DLG5: variants seen among roughly 807,000 people sequenced by gnomAD.
DLG5 encodes discs large MAGUK scaffold protein 5, also known as disks large homolog 5.
DLG5 carries 48 observed loss-of-function variants against 189.8 expected under a neutral mutation model. The observed-to-expected ratio is 0.25, with a 90% confidence interval of 0.20 to 0.32. The LOEUF (loss-of-function observed/expected upper bound fraction) is 0.32, where lower values mean the gene tolerates loss of function less well. Among genes scored for constraint, DLG5 ranks in the 10% least tolerant of loss-of-function variants. The pLI, the probability that DLG5 is intolerant of heterozygous loss-of-function variation, is 1.00. For synonymous variants in DLG5, 1,016 were observed against 1,054.1 expected (o/e 0.96, Z 0.70); for missense variants, 2,160 against 2,544.7 (o/e 0.85, Z 3.25).
chr10:77,808,065 G>T lies in DLG5; in HGVS notation c.4648-121C>A, dbSNP rs1469521142. ...AACATCCCTCCTTAACTGAGACTCT[G>T]GCTACCTCCCCTCTGCAGGAAGGAC... On this transcript the variant is annotated intron_variant, in intron 24 of 31. Transcript: ENST00000372391. 8 of 1,205,734 alleles carry T rather than the reference G, an allele frequency of 6.6e-6. No homozygotes were observed. In the East Asian group the frequency reaches 1.8e-4, roughly 27 times the overall value. The allele number at this position is 1,205,734 out of a possible 1,614,324, so 74.7% of individuals were successfully genotyped here.
intron 30 of DLG5, 59 bp downstream of exon 30, chr10:77,794,790 G>C: frequency 1.4e-6 from 2 of 1,409,414 alleles, no homozygotes; most frequent in Non-Finnish European, 2.0e-6. Flanking sequence ...CTCCCTACTT[G>C]GGCTCCCAGC....
intron 1 of DLG5, among the ~76,000 whole-genome samples, chr10:77,911,967 G>A (rs759507686): frequency 6.6e-5 from 10 of 151,276 alleles, no homozygotes; most frequent in Non-Finnish European, 1.2e-4. Context: ...GGGAGGCTGA[G>A]GAGGGAGGAT....
At chr10:77,814,966 G>A (rs1841979560) in intron 20 of DLG5, among the ~76,000 whole-genome samples, 2 of 152,168 alleles carry the variant, frequency 1.3e-5, no homozygotes, top group Non-Finnish European at 2.9e-5. Flanking sequence ...CTGTTGCTCA[G>A]TCAGGTCACA....
intron 25 of DLG5, 136 bp downstream of exon 25, chr10:77,807,660 T>A (rs1424945521): frequency 4.8e-6 from 5 of 1,031,770 alleles, no homozygotes; most frequent in Non-Finnish European, 7.1e-6. Context: ...GCGTGCAGAT[T>A]GAGTGTCAAG....
At chr10:77,806,719 C>CGG in intron 26 of DLG5, 39 bp downstream of exon 26, 9 of 1,137,748 alleles carry the variant, frequency 7.9e-6, no homozygotes, top group South Asian at 1.2e-5. Flanking sequence ...CCCTCGGCGA[C>CGG]CCCTGCCCCA....
intron 15 of DLG5, 44 bp downstream of exon 15, chr10:77,821,038 C>G (rs1842319919): frequency 2.6e-6 from 4 of 1,549,798 alleles, no homozygotes; most frequent in East Asian, 4.5e-5. Context: ...GCCAACTGCC[C>G]CTCTCTAGGC....
chr10:77,934,842 C>CTT, the DLG5 span, among the ~76,000 whole-genome samples: 2 of 145,030 alleles, frequency 1.4e-5, no homozygotes, highest in African/African-American at 5.4e-5. Flanking sequence ...GGGTGCTGTT[C>CTT]TTTTTTTTTG....
Position 77,812,237 on chromosome 10 carries a change from T to G in DLG5, c.4166A>C (p.Glu1389Ala). ...CACCTCCAGTAACTGATCCCCATAC[T>G]CGAGGCCAGCCTGGTGAGCGATGCT... is the stretch of plus-strand genomic sequence containing the variant. ...VGSIAHQAGL[E>A]YGDQLLEFNG... The change falls in exon 21 of 32, where the codon GAG becomes GCG. Residue 1389 changes from glutamate (E) to alanine (A), a missense_variant. Around this residue, in one of 5 missense-constraint regions of DLG5, gnomAD observed 61 missense variants for 101.0 expected, o/e 0.60. Transcript: ENST00000372391. 2 of 1,613,856 alleles carry G rather than the reference T, an allele frequency of 1.2e-6. No homozygotes were observed. The highest frequency in any genetic ancestry group is 1.7e-6 in the Non-Finnish European group (2 of 1,179,810).
At chr10:77,840,650 T>C (rs955168452) in intron 7 of DLG5, among the ~76,000 whole-genome samples, 4 of 151,638 alleles carry the variant, frequency 2.6e-5, no homozygotes, top group Admixed American at 2.6e-4. Context: ...ACCCAGGAGG[T>C]AGAGGTTGCA....
chr10:77,794,779 G>C (rs777272088), intron 30 of DLG5, 70 bp downstream of exon 30: 33 of 1,242,386 alleles, frequency 2.7e-5, no homozygotes, highest in Non-Finnish European at 3.7e-5. Flanking sequence ...AACACACCCT[G>C]CTCCCTACTT....
At chr10:77,900,494 C>T (rs1845892004) in intron 1 of DLG5, among the ~76,000 whole-genome samples, 1 of 152,200 alleles carries the variant, frequency 6.6e-6, no homozygotes, top group Non-Finnish European at 1.5e-5. Context: ...GGCCCCCTTC[C>T]ATAAGAGAAA....
chr10:77,815,703 G>A (rs1445202479), intron 20 of DLG5, among the ~76,000 whole-genome samples: 2 of 152,176 alleles, frequency 1.3e-5, no homozygotes, highest in Non-Finnish European at 2.9e-5. Context: ...CACCCCTGCT[G>A]AGGCTCACAG....
chr10:77,867,550 A>G (rs1183164211), intron 2 of DLG5, among the ~76,000 whole-genome samples: 1 of 152,202 alleles, frequency 6.6e-6, no homozygotes, highest in Non-Finnish European at 1.5e-5. Flanking sequence ...GGGCACCAAA[A>G]GCAGGCAGAA....
At chr10:77,868,008 A>G (rs763183201) in intron 2 of DLG5, 6 of 456,602 alleles carry the variant, frequency 1.3e-5, no homozygotes, top group South Asian at 6.2e-5. Flanking sequence ...CAAACCAAGG[A>G]GCACCAAGGA....
At chr10:77,934,499 C>A in the DLG5 span, among the ~76,000 whole-genome samples, 1 of 152,094 alleles carries the variant, frequency 6.6e-6, no homozygotes, top group African/African-American at 2.4e-5. Context: ...GAATTTCCTC[C>A]ACCTGGAGGC....
intron 5 of DLG5, among the ~76,000 whole-genome samples, chr10:77,845,610 GGGAA>G (rs1285706111): frequency 5.3e-5 from 8 of 151,342 alleles, no homozygotes; most frequent in South Asian, 2.1e-4. Flanking sequence ...GAGGGAAGAA[GGGAA>G]GGAAGGAAGG....
intron 2 of DLG5, among the ~76,000 whole-genome samples, chr10:77,859,007 G>A (rs1844367712): frequency 6.6e-6 from 1 of 152,004 alleles, no homozygotes; most frequent in South Asian, 2.1e-4. Flanking sequence ...TAAGTAGCTG[G>A]GACTACAGGC....
rs543735041 is a variant in DLG5, at chr10:77,830,298, A to G, written c.1928T>C (p.Val643Ala). Residue 643 changes from valine to alanine, a missense_variant, in exon 11 of 32, where the codon GTG (valine) becomes GCG (alanine). Physicochemically the swap from Val to Ala is moderately conservative, Grantham distance 64 (BLOSUM62 0). This residue lies in a region of DLG5 where 107 missense variants were observed against 214.5 expected (regional missense o/e 0.50). Transcript: ENST00000372391. ...GTCCCCCGGGAAACAAGGCTCATTC[A>G]CACCTTCTGCCATATCAAACCCCAG... ...KALGFDMAEG[V>A]NEPCFPGDCG... The G allele has an allele frequency of 3.3e-5, 54 of 1,614,166 alleles. No individual in the cohort carries two copies. The South Asian group carries it at 5.3e-4, about 16-fold the overall frequency.
chr10:77,805,758 T>A lies in DLG5; in HGVS notation c.5071A>T (p.Arg1691Trp), dbSNP rs1841436965. 6.2e-7 allele frequency: 1 copy of A among 1,614,078 alleles called. No individual in the cohort carries two copies. Among genetic ancestry groups the A allele is most frequent in the African/African-American group, 1.3e-5 (1 of 75,034 alleles). Residue 1691 changes from arginine (R) to tryptophan (W), a missense_variant, in exon 27 of 32, where the codon AGG becomes TGG. Around this residue, in one of 5 missense-constraint regions of DLG5, gnomAD observed 574 missense variants for 644.2 expected, o/e 0.89. Coordinates refer to ENST00000372391, the MANE Select transcript of DLG5 (RefSeq NM_004747.4). ...SAAARRSFFRRKHKHKRSGSK... is the reference protein window; with the variant it reads ...SAAARRSFFRWKHKHKRSGSK... The stretch of plus-strand genomic sequence containing the variant: ...CCGCTGCGTTTGTGCTTGTGTTTCC[T>A]CCGAAAAAAGGACCGGCGTGCAGCC...
Sources: gnomAD v4.1 joint callset for allele counts (sites outside exome capture counted in the v4.1 genomes callset) on GRCh38, gnomAD v4.1.1 for gene constraint, gnomAD v4.1.1 regional missense constraint, MANE v1.5 for transcripts, NCBI Gene and HGNC (gene_info 2026-07-23, HGNC 2026-07-21) for gene names.